TMEM132D: variants seen among roughly 807,000 people sequenced by gnomAD.
TMEM132D encodes transmembrane protein 132D.
A neutral mutation model predicts 62.3 loss-of-function variants in TMEM132D; 21 were observed. That is an observed-to-expected ratio of 0.34 (90% CI 0.24 to 0.49). The LOEUF (loss-of-function observed/expected upper bound fraction) is 0.49. Ranked by LOEUF, TMEM132D falls within the 20% of genes least tolerant of loss-of-function variation. The pLI is 0.99. For missense variants in TMEM132D, 1,346 were observed against 1,402.8 expected (o/e 0.96, Z 0.65); for synonymous variants, 621 against 575.6 (o/e 1.08, Z -1.13).
intron 3 of TMEM132D, among the ~76,000 whole-genome samples, chr12:129,422,710 C>T (rs972559789): frequency 2.0e-5 from 3 of 151,966 alleles, no homozygotes; most frequent in African/African-American, 7.3e-5. Context: ...AGAAAATCAC[C>T]AGTAAGTAAG....
At chr12:129,307,088 T>G (rs770150720) in intron 4 of TMEM132D, among the ~76,000 whole-genome samples, 10 of 150,512 alleles carry the variant, frequency 6.6e-5, no homozygotes, top group Non-Finnish European at 1.3e-4. Flanking sequence ...CTAAGCAAAT[T>G]TAGCAATCCC....
At chr12:129,087,958 ACCGGGG>A (rs879420200) in intron 5 of TMEM132D, among the ~76,000 whole-genome samples, 2,479 of 84,330 alleles carry the variant, frequency 0.029, 133 homozygotes, top group Middle Eastern at 0.048. Flanking sequence ...GTCCTCCCTG[ACCGGGG>A]TGTCCTCCAT....
intron 2 of TMEM132D, among the ~76,000 whole-genome samples, chr12:129,628,336 T>C (rs1879273917): frequency 6.6e-6 from 1 of 152,074 alleles, no homozygotes; most frequent in Non-Finnish European, 1.5e-5. Context: ...GAGTGACAGA[T>C]CCAAGGCAGA....
At chr12:129,185,773 G>GTCTGTCTGTCTGTCTGTCTATCTA (rs796145548) in intron 5 of TMEM132D, among the ~76,000 whole-genome samples, 8,834 of 135,738 alleles carry the variant, frequency 0.065, 336 homozygotes, top group Non-Finnish European at 0.086. Context: ...CTGTCTGTCT[G>GTCTGTCTGTCTGTCTGTCTATCTA]TCTATCTATC....
At chr12:129,488,213 T>C (rs117161068) in intron 3 of TMEM132D, among the ~76,000 whole-genome samples, 2,849 of 152,288 alleles carry the variant, frequency 0.019, 49 homozygotes, top group Non-Finnish European at 0.029. Flanking sequence ...TGTGGAACTT[T>C]GTTACAGCAA....
intron 1 of TMEM132D, among the ~76,000 whole-genome samples, chr12:129,705,767 T>C (rs1441398045): frequency 6.6e-6 from 1 of 152,128 alleles, no homozygotes; most frequent in African/African-American, 2.4e-5. Context: ...ATAGAGAGTT[T>C]CAAATACAGG....
At chr12:129,185,516 TTTTA>T (rs1318793699) in intron 5 of TMEM132D, among the ~76,000 whole-genome samples, 2 of 152,048 alleles carry the variant, frequency 1.3e-5, no homozygotes, top group Non-Finnish European at 2.9e-5. Context: ...TGATTTGTTC[TTTTA>T]TTTTTCATCA....
chr12:129,209,705 G>C, intron 4 of TMEM132D, 42 bp from the exon 5 acceptor site: 1 of 1,610,440 alleles, frequency 6.2e-7, no homozygotes, highest in Non-Finnish European at 8.5e-7. Flanking sequence ...CCCCTCCTGA[G>C]ACGGCCCAGT....
At chr12:129,278,241 G>A (rs556182317) in intron 4 of TMEM132D, among the ~76,000 whole-genome samples, 1 of 152,248 alleles carries the variant, frequency 6.6e-6, no homozygotes, top group Non-Finnish European at 1.5e-5. Context: ...TAGGTGCTGG[G>A]CAAGGGAGAC....
At chr12:129,396,617 A>G (rs1464979424) in intron 3 of TMEM132D, among the ~76,000 whole-genome samples, 1 of 152,166 alleles carries the variant, frequency 6.6e-6, no homozygotes, top group Non-Finnish European at 1.5e-5. Flanking sequence ...TTGGAAGTGC[A>G]TGGAGAATAG....
At chr12:129,583,273 T>G (rs1877930541) in intron 2 of TMEM132D, among the ~76,000 whole-genome samples, 2 of 152,240 alleles carry the variant, frequency 1.3e-5, no homozygotes, top group Non-Finnish European at 2.9e-5. Context: ...CTTGATGGTC[T>G]AGAAATGGCA....
At chr12:129,780,176 T>A (rs554867539) in intron 1 of TMEM132D, among the ~76,000 whole-genome samples, 13 of 152,096 alleles carry the variant, frequency 8.5e-5, no homozygotes, top group Admixed American at 4.6e-4. Context: ...TTTTCTGCCT[T>A]TGAGGTTTCT....
At chr12:129,492,267 T>C (rs1339329742) in intron 3 of TMEM132D, among the ~76,000 whole-genome samples, 1 of 152,206 alleles carries the variant, frequency 6.6e-6, no homozygotes, top group Non-Finnish European at 1.5e-5. Context: ...GACTAGGAAA[T>C]ACTTCCTGGG....
intron 1 of TMEM132D, among the ~76,000 whole-genome samples, chr12:129,894,752 T>C (rs1001424799): frequency 6.6e-6 from 1 of 152,096 alleles, no homozygotes; most frequent in Non-Finnish European, 1.5e-5. Context: ...TTCTCTTTTT[T>C]TTTTCCTCTG....
chr12:129,082,022 C>G lies in TMEM132D; in HGVS notation c.1660G>C (p.Asp554His), dbSNP rs911620785. The G allele has an allele frequency of 1.6e-5, 26 of 1,602,476 alleles. No homozygotes were observed. Among genetic ancestry groups the G allele is most frequent in the Non-Finnish European group, 2.1e-5 (25 of 1,172,406 alleles). ...TCATCATCCTCCTCCTCTTCACTGT[C>G]CCCGGCAGGCCTGTGAAAGAAGCAG... The part of the protein sequence containing the change: ...PIVSSRRPAG[D>H]SEEEEDDERR... The change falls in exon 7 of 9, where the codon GAC (aspartate) becomes CAC (histidine). Residue 554 changes from aspartate to histidine, a missense_variant. Asp to His is a moderately conservative substitution (Grantham distance 81, BLOSUM62 -1). Transcript: ENST00000422113.
At chr12:129,138,102 G>A (rs937441363) in intron 5 of TMEM132D, among the ~76,000 whole-genome samples, 1 of 152,030 alleles carries the variant, frequency 6.6e-6, no homozygotes, top group Non-Finnish European at 1.5e-5. Context: ...AAATAAATGA[G>A]TTAAATATGA....
chr12:129,115,864 G>C (rs1377318466), intron 5 of TMEM132D, among the ~76,000 whole-genome samples: 1 of 152,250 alleles, frequency 6.6e-6, no homozygotes, highest in African/African-American at 2.4e-5. Context: ...GGCATGTGGT[G>C]GTGGCCACAT....
chr12:129,361,993 T>C (rs1870263284), intron 3 of TMEM132D, among the ~76,000 whole-genome samples: 1 of 152,196 alleles, frequency 6.6e-6, no homozygotes, highest in Non-Finnish European at 1.5e-5. Flanking sequence ...TTCACGATCT[T>C]GTTTACTTAT....
intron 1 of TMEM132D, among the ~76,000 whole-genome samples, chr12:129,797,782 G>A (rs944651159): frequency 3.9e-5 from 6 of 152,220 alleles, no homozygotes; most frequent in Non-Finnish European, 1.5e-5. Flanking sequence ...TGCACACCTA[G>A]ATGGCTAAGA....
Sources: gnomAD v4.1 joint callset for allele counts (sites outside exome capture counted in the v4.1 genomes callset) on GRCh38, gnomAD v4.1.1 for gene constraint, MANE v1.5 for transcripts, NCBI Gene and HGNC (gene_info 2026-07-23, HGNC 2026-07-21) for gene names.